The following NUDT6 variants were observed in gnomAD, a reference collection of about 807,000 sequenced individuals.
NUDT6 encodes FAD diphosphatase NUDT6.
NUDT6 carries 24 observed loss-of-function variants against 36.8 expected under a neutral mutation model. The ratio of observed to expected loss-of-function variants is 0.65; its 90% CI spans 0.47 to 0.92. The LOEUF is 0.92. NUDT6 is among the 40% of genes least tolerant of loss of function. The probability of loss-of-function intolerance (pLI) is 0.00; values close to 1 mark genes in which losing one functional copy is unlikely to be tolerated. For missense variants in NUDT6, 388 were observed against 392.8 expected, an observed-to-expected ratio of 0.99 and a Z score of 0.10; for synonymous variants, 163 against 157.0, an observed-to-expected ratio of 1.04 and a Z score of -0.29.
intron 1 of NUDT6, chr4:122,918,629 C>T (rs1727901315): frequency 6.6e-6 from 1 of 152,160 alleles, no homozygotes; most frequent in African/African-American, 2.4e-5. Flanking sequence ...AATTAACTTT[C>T]CCTTCTCTTT....
In NUDT6 at chr4:122,922,556, C is replaced by G. The variant is rs1173848585; in HGVS notation, c.17G>C (p.Ser6Thr). MRQPL[S>T]WGRWRAMLAR... ...AAGCATCGCGCGCCAGCGGCCCCAG[C>G]TCAGTGGCTGCCGCATCTCCACGCC... The change falls in exon 1 of 5, where the codon AGC becomes ACC. Residue 6 changes from serine (S) to threonine (T), a missense_variant. Transcript: ENST00000304430. 1 of 1,599,748 alleles carries G rather than the reference C, an allele frequency of 6.3e-7. No individual in the cohort carries two copies. Among genetic ancestry groups the G allele is most frequent in the Non-Finnish European group, 8.5e-7 (1 of 1,176,836 alleles).
intron 1 of NUDT6, chr4:122,918,567 T>G (rs922181850): frequency 3.9e-5 from 6 of 152,206 alleles, no homozygotes; most frequent in Non-Finnish European, 8.8e-5. Context: ...AATAACGCTA[T>G]AAAGCGTGTG....
rs72919884 is a variant in NUDT6, at chr4:122,917,380, C to T, written c.442+121G>A. The T allele has an allele frequency of 0.013, 11,403 of 886,074 alleles. 748 individuals carry two copies. The African/African-American group carries it at 0.15, about 12-fold the overall frequency. The allele number at this position is 886,074 out of a possible 1,614,324, so 54.9% of individuals were successfully genotyped here. Reference sequence around the variant, plus strand: ...TCCTGTGCAGATAGGGTGGAACCACCGTAATCATTTAATCAAATAACTCAT... The same window carrying T: ...TCCTGTGCAGATAGGGTGGAACCACTGTAATCATTTAATCAAATAACTCAT... On this transcript the variant is annotated intron_variant, in intron 2 of 4. Transcript: ENST00000304430.
At chr4:122,912,512 T>C in intron 3 of NUDT6, 56 bp downstream of exon 3, 1 of 1,222,536 alleles carries the variant, frequency 8.2e-7, no homozygotes, top group South Asian at 1.3e-5. Context: ...TATTTTATTC[T>C]TCTCTAGAAA....
At chr4:122,897,384 T>G in intron 4 of NUDT6, 1 of 498,600 alleles carries the variant, frequency 2.0e-6, no homozygotes. Flanking sequence ...CCAGAAGCAG[T>G]CATAAACAGA....
At chr4:122,898,331 T>A (rs1166945676) in intron 3 of NUDT6, 2 of 152,136 alleles carry the variant, frequency 1.3e-5, no homozygotes, top group Non-Finnish European at 1.5e-5. Context: ...GGGATAAATA[T>A]AGAAAAATGG....
chr4:122,900,818 C>T (rs1168035619), intron 3 of NUDT6, among the ~76,000 whole-genome samples: 2 of 151,938 alleles, frequency 1.3e-5, no homozygotes, highest in African/African-American at 2.4e-5. Flanking sequence ...TGCCAAATGT[C>T]TTTGTATCTA....
At chr4:122,911,125 T>C (rs977528414) in intron 3 of NUDT6, among the ~76,000 whole-genome samples, 2 of 152,164 alleles carry the variant, frequency 1.3e-5, no homozygotes, top group Non-Finnish European at 2.9e-5. Flanking sequence ...AGAGTTATAA[T>C]ATCCACTCTG....
intron 2 of NUDT6, among the ~76,000 whole-genome samples, chr4:122,915,474 A>AC (rs1560773782): frequency 7.4e-5 from 4 of 53,754 alleles, no homozygotes; most frequent in African/African-American, 2.6e-4. Context: ...TGCCTCAAAA[A>AC]AAAAAAAAAA....
At chr4:122,900,145 C>A (rs1234663867) in intron 3 of NUDT6, among the ~76,000 whole-genome samples, 3 of 141,690 alleles carry the variant, frequency 2.1e-5, no homozygotes, top group Non-Finnish European at 3.0e-5. Context: ...TTCTTTACAT[C>A]CCCATGTTAC....
intron 4 of NUDT6, chr4:122,894,642 A>G (rs1172955137): frequency 6.6e-6 from 1 of 152,196 alleles, no homozygotes; most frequent in Admixed American, 6.5e-5. Context: ...GATGTGCAAT[A>G]CATTTGTTAT....
intron 3 of NUDT6, among the ~76,000 whole-genome samples, chr4:122,900,060 C>CG (rs1553951477): frequency 1.7e-5 from 2 of 117,646 alleles, no homozygotes; most frequent in African/African-American, 6.7e-5. Flanking sequence ...CCCCGCCACC[C>CG]CCCCCCCGGC....
At chr4:122,896,754 C>G (rs1386759405) in intron 4 of NUDT6, 2 of 152,000 alleles carry the variant, frequency 1.3e-5, no homozygotes, top group Non-Finnish European at 2.9e-5. Context: ...AAAAATCAAG[C>G]TTTAAGTACA....
At chr4:122,912,251 T>C (rs147986598) in intron 3 of NUDT6, among the ~76,000 whole-genome samples, 339 of 152,304 alleles carry the variant, frequency 2.2e-3, no homozygotes, top group Non-Finnish European at 3.5e-3. Context: ...TAGAAACTCA[T>C]TGAATGCTGA....
At chr4:122,920,511 C>T (rs911532090) in intron 1 of NUDT6, 3 of 152,186 alleles carry the variant, frequency 2.0e-5, no homozygotes, top group African/African-American at 7.2e-5. Flanking sequence ...ACGCATCTAT[C>T]CAGTAATTAG....
At chr4:122,903,849 T>G (rs1727569113) in intron 3 of NUDT6, among the ~76,000 whole-genome samples, 1 of 152,132 alleles carries the variant, frequency 6.6e-6, no homozygotes, top group Non-Finnish European at 1.5e-5. Context: ...AAAAGAAGCT[T>G]CATTTTGCAT....
chr4:122,901,199 C>A (rs2150801824), intron 3 of NUDT6, among the ~76,000 whole-genome samples: 1 of 152,180 alleles, frequency 6.6e-6, no homozygotes, highest in East Asian at 1.9e-4. Flanking sequence ...TTGGTGAGGT[C>A]TAGTTCCTTT....
chr4:122,922,855 G>A, upstream of NUDT6: 5 of 558,394 alleles, frequency 9.0e-6, no homozygotes, highest in Non-Finnish European at 1.6e-5. Context: ...TGGGGAAGCC[G>A]GGAGGAGATG....
intron 3 of NUDT6, among the ~76,000 whole-genome samples, chr4:122,901,206 C>T (rs983479772): frequency 1.3e-5 from 2 of 152,036 alleles, no homozygotes; most frequent in African/African-American, 4.8e-5. Context: ...GGTCTAGTTC[C>T]TTTAAGCATA....
Sources: allele counts gnomAD v4.1 joint callset (sites outside exome capture counted in the v4.1 genomes callset), GRCh38; gene constraint gnomAD v4.1.1; transcripts MANE v1.5; gene names NCBI Gene and HGNC (gene_info 2026-07-23, HGNC 2026-07-21).